Variants in RSF1 observed in about 807,000 individuals in gnomAD.
RSF1 encodes HBV pX-associated protein 8.
RSF1 carries 13 observed loss-of-function variants against 145.2 expected under a neutral mutation model. That is an observed-to-expected ratio of 0.09 (90% CI 0.06 to 0.14). RSF1 has a LOEUF of 0.14. Ranked by LOEUF, RSF1 falls within the 10% of genes least tolerant of loss-of-function variation. RSF1 has a pLI of 1.00. For synonymous variants in RSF1, 577 were observed against 592.6 expected (o/e 0.97, Z 0.38); for missense variants, 1,517 against 1,718.2 (o/e 0.88, Z 2.07).
intron 4 of RSF1, chr11:77,738,914 C>T (rs1961434294): frequency 6.6e-6 from 1 of 151,878 alleles, no homozygotes; most frequent in Admixed American, 6.6e-5. Context: ...GATCTCCTGA[C>T]CGCATAATCT....
chr11:77,788,935 G>A (rs758602547), intron 1 of RSF1, among the ~76,000 whole-genome samples: 7 of 152,202 alleles, frequency 4.6e-5, no homozygotes, highest in Non-Finnish European at 7.3e-5. Context: ...CTACTTGTGA[G>A]GGTGAGATGG....
chr11:77,860,443 C>T, the RSF1 span, among the ~76,000 whole-genome samples: 2 of 152,166 alleles, frequency 1.3e-5, no homozygotes, highest in South Asian at 4.1e-4. Flanking sequence ...TAATTTTAGC[C>T]CTAAGTATTT....
At chr11:77,729,724 C>T (rs914732940) in intron 4 of RSF1, among the ~76,000 whole-genome samples, 2 of 151,682 alleles carry the variant, frequency 1.3e-5, no homozygotes, top group East Asian at 3.9e-4. Flanking sequence ...TCTCCCTGTA[C>T]CTTTCTCCCA....
chr11:77,804,008 C>T (rs988845000), intron 1 of RSF1, among the ~76,000 whole-genome samples: 1 of 152,150 alleles, frequency 6.6e-6, no homozygotes, highest in Non-Finnish European at 1.5e-5. Context: ...GAGCTCAGGG[C>T]TGCAGTGGGC....
chr11:77,858,311 T>TTTTTTTTTG, the RSF1 span, among the ~76,000 whole-genome samples: 1 of 136,230 alleles, frequency 7.3e-6, no homozygotes, highest in African/African-American at 2.6e-5. Context: ...TCTTTTTTTT[T>TTTTTTTTTG]TTTTTTTTTT....
At chr11:77,869,764 G>C in the RSF1 span, 1 of 1,614,014 alleles carries the variant, frequency 6.2e-7, no homozygotes, top group Non-Finnish European at 8.5e-7. Flanking sequence ...GGAAGTTGTT[G>C]AGAAGGGTGT....
chr11:77,711,916 ATTCT>A (rs939188164), intron 5 of RSF1, among the ~76,000 whole-genome samples: 2 of 151,420 alleles, frequency 1.3e-5, no homozygotes, highest in South Asian at 2.1e-4. Context: ...TCCATTCCTC[ATTCT>A]TTCTTTGTCT....
At chr11:77,868,113 T>C in the RSF1 span, among the ~76,000 whole-genome samples, 1 of 150,042 alleles carries the variant, frequency 6.7e-6, no homozygotes, top group African/African-American at 2.5e-5. Context: ...TGGAGTGCAG[T>C]GGCACAATCT....
At chr11:77,848,278 C>A in the RSF1 span, among the ~76,000 whole-genome samples, 2 of 152,192 alleles carry the variant, frequency 1.3e-5, no homozygotes, top group Non-Finnish European at 2.9e-5. Flanking sequence ...TTGAGAGATC[C>A]ATTTCCCTTC....
At position 77,667,119 on chromosome 11, in the gene RSF1, C is replaced by A. The variant is rs1481787845; in HGVS notation, c.4124G>T (p.Ser1375Ile). 6.2e-7 allele frequency: 1 copy of A among 1,614,198 alleles called. No individual in the cohort carries two copies. The highest frequency in any genetic ancestry group is 8.5e-7 in the Non-Finnish European group (1 of 1,180,048). Residue 1375 changes from serine (S) to isoleucine (I), a missense_variant, in exon 16 of 16, where the codon AGC (serine) becomes ATC (isoleucine). Around this residue, in one of 12 missense-constraint regions of RSF1, gnomAD observed 240 missense variants for 231.8 expected, o/e 1.04. Coordinates refer to ENST00000308488, the MANE Select transcript of RSF1 (RefSeq NM_016578.4). ...LVDLPSTNGQ[S>I]PGKAIENLIG... ...CAAGTTCTCAATGGCTTTGCCAGGG[C>A]TCTGTCCATTGGTTGAAGGTAAGTC...
chr11:77,728,600 G>GGAAGGGAAGGGAGAAGGGAGACGGGA (rs1357246190), intron 4 of RSF1, among the ~76,000 whole-genome samples: 7 of 151,436 alleles, frequency 4.6e-5, no homozygotes, highest in Non-Finnish European at 1.0e-4. Context: ...AAAAGGGAAG[G>GGAAGGGAAGGGAGAAGGGAGACGGGA]GAAGGGAAGG....
At chr11:77,813,728 A>C (rs1282690602) in intron 1 of RSF1, 1 of 387,184 alleles carries the variant, frequency 2.6e-6, no homozygotes. Context: ...AGCGAACAGT[A>C]GTGAGTAAGG....
chr11:77,871,414 C>T, the RSF1 span, among the ~76,000 whole-genome samples: 6 of 152,038 alleles, frequency 3.9e-5, no homozygotes, highest in East Asian at 1.9e-4. Flanking sequence ...GGTGACGGTG[C>T]GATAAACAAG....
In RSF1 at chr11:77,820,621, G is replaced by A; in HGVS notation, c.94C>T (p.Arg32Cys). 6.4e-7 allele frequency: 1 copy of A among 1,567,126 alleles called. No homozygotes were observed. ...GGCAGGTCTAGCAGCGGCCCGTAGC[G>A]CTCCAAGAAGGAGCAGACTACGGCG... ...NFAVVCSFLE[R>C]YGPLLDLPEL... is the part of the protein sequence containing the mutation. Residue 32 changes from arginine to cysteine, a missense_variant, in exon 1 of 16, where the codon CGC becomes TGC. Arg to Cys is a radical substitution (Grantham distance 180). Around this residue, in one of 12 missense-constraint regions of RSF1, gnomAD observed 85 missense variants for 91.8 expected, o/e 0.93. Coordinates refer to ENST00000308488, the MANE Select transcript of RSF1 (RefSeq NM_016578.4).
intron 4 of RSF1, among the ~76,000 whole-genome samples, chr11:77,727,311 A>G (rs1961078179): frequency 6.6e-6 from 1 of 152,166 alleles, no homozygotes; most frequent in Non-Finnish European, 1.5e-5. Context: ...AAAAGGAAAA[A>G]GAGAATTCCA....
upstream of RSF1, among the ~76,000 whole-genome samples, chr11:77,822,293 T>C (rs1279367003): frequency 6.6e-6 from 1 of 151,232 alleles, no homozygotes; most frequent in African/African-American, 2.4e-5. Context: ...TAACGAAAAT[T>C]AGCCGGGAAT....
intron 1 of RSF1, among the ~76,000 whole-genome samples, chr11:77,819,214 C>G (rs1393235974): frequency 6.6e-6 from 1 of 152,268 alleles, no homozygotes; most frequent in South Asian, 2.1e-4. Context: ...AATAACCAAT[C>G]CACTTTGGCC....
In RSF1 at chr11:77,820,551, G is replaced by T; in HGVS notation, c.164C>A (p.Pro55Gln). The T allele has an allele frequency of 6.5e-7, 1 of 1,549,684 alleles. No individual in the cohort carries two copies. Among genetic ancestry groups the T allele is most frequent in the South Asian group, 1.2e-5 (1 of 84,038 alleles). The change falls in exon 1 of 16, where the codon CCG becomes CAG. Residue 55 changes from proline to glutamine, a missense_variant. Pro to Gln is a moderately conservative substitution (Grantham distance 76). Around this residue, in one of 12 missense-constraint regions of RSF1, gnomAD observed 85 missense variants for 91.8 expected, o/e 0.93. Transcript: ENST00000308488. ...ACCTTCTCCGTTGCCGACGTCCGGC[G>T]GCGGCGCCTGCAGCACCCGCTCCAG... ...PELERVLQAP[P>Q]PDVGNGEVPK...
chr11:77,867,534 A>G, the RSF1 span, among the ~76,000 whole-genome samples: 2 of 152,240 alleles, frequency 1.3e-5, no homozygotes, highest in South Asian at 2.1e-4. Flanking sequence ...AAATACTGAG[A>G]CTTGGCACAG....
Sources: allele counts gnomAD v4.1 joint callset (sites outside exome capture counted in the v4.1 genomes callset), GRCh38; gene constraint gnomAD v4.1.1; regional missense constraint gnomAD v4.1.1; transcripts MANE v1.5; gene names NCBI Gene and HGNC (gene_info 2026-07-23, HGNC 2026-07-21).